Variants in PIWIL4 observed in about 807,000 individuals in gnomAD.
The protein encoded by PIWIL4 is piwi like RNA-mediated gene silencing 4.
In PIWIL4, 50 loss-of-function variants were observed where a neutral mutation model predicts 100.9. That is an observed-to-expected ratio of 0.50 (90% CI 0.39 to 0.63). PIWIL4 has a LOEUF of 0.63. Among genes scored for constraint, PIWIL4 ranks in the 20% least tolerant of loss-of-function variants. The pLI is 0.00. For missense variants in PIWIL4, 887 were observed against 1,043.3 expected, an observed-to-expected ratio of 0.85 and a Z score of 2.06; for synonymous variants, 342 against 367.5, an observed-to-expected ratio of 0.93 and a Z score of 0.79.
intron 4 of PIWIL4, among the ~76,000 whole-genome samples, chr11:94,579,484 T>G (rs1948285751): frequency 6.6e-6 from 1 of 151,936 alleles, no homozygotes. Context: ...TATGCTTCTA[T>G]CCCTTAGAAA....
At chr11:94,593,329 TA>T (rs1948512124) in intron 8 of PIWIL4, among the ~76,000 whole-genome samples, 188 bp from the exon 9 acceptor site, 1 of 152,022 alleles carries the variant, frequency 6.6e-6, no homozygotes, top group African/African-American at 2.4e-5. Context: ...AAAAGATAAT[TA>T]AAATAATAAA....
intron 4 of PIWIL4, among the ~76,000 whole-genome samples, chr11:94,578,394 G>T (rs183886489): frequency 6.6e-6 from 1 of 152,326 alleles, no homozygotes; most frequent in East Asian, 1.9e-4. Context: ...AACAAATTGA[G>T]ATGTCTGTGG....
At chr11:94,568,120 T>C (rs371544617) in intron 1 of PIWIL4, among the ~76,000 whole-genome samples, 184 of 152,092 alleles carry the variant, frequency 1.2e-3, no homozygotes, top group African/African-American at 4.0e-3. Context: ...TTAATACAAC[T>C]ACATATTCTT....
rs540392670 is a variant in PIWIL4 at position 94,569,416 on chromosome 11, T to C, written c.166+608T>C. On this transcript the variant is annotated intron_variant, in intron 2 of 19. Transcript: ENST00000299001. ...TTTTTGAGATGGAGTTTTGCTCTTGTTGTCCAGGCTGGAGTGCAATGGCGC... is the reference window on the plus strand; with the variant it reads ...TTTTTGAGATGGAGTTTTGCTCTTGCTGTCCAGGCTGGAGTGCAATGGCGC... Among the ~76,000 whole-genome samples the C allele has an allele frequency of 3.3e-5, 5 of 152,280 alleles. No individual in the cohort carries two copies. The South Asian group carries it at 8.3e-4, about 25-fold the overall frequency.
chr11:94,579,512 A>G (rs1948286048), intron 4 of PIWIL4, among the ~76,000 whole-genome samples: 1 of 152,228 alleles, frequency 6.6e-6, no homozygotes, highest in Admixed American at 6.5e-5. Flanking sequence ...CCCTTGGTTC[A>G]GCTGTTTGTT....
intron 11 of PIWIL4, among the ~76,000 whole-genome samples, chr11:94,600,091 C>A (rs1948612776): frequency 6.6e-6 from 1 of 152,124 alleles, no homozygotes; most frequent in Non-Finnish European, 1.5e-5. Flanking sequence ...CAATTATAGT[C>A]TGAGGATATA....
intron 7 of PIWIL4, 46 bp from the exon 8 acceptor site, chr11:94,589,075 T>C (rs746730118): frequency 7.1e-7 from 1 of 1,402,940 alleles, no homozygotes; most frequent in South Asian, 1.2e-5. Flanking sequence ...TAGCTGCTTA[T>C]GTTAGATGAT....
intron 15 of PIWIL4, among the ~76,000 whole-genome samples, chr11:94,613,442 G>C (rs1948809019): frequency 6.6e-6 from 1 of 152,016 alleles, no homozygotes; most frequent in Non-Finnish European, 1.5e-5. Flanking sequence ...ATTCTTCTTT[G>C]GGTTGAACCT....
At chr11:94,619,289 C>T (rs1158467432) in intron 17 of PIWIL4, among the ~76,000 whole-genome samples, 1 of 152,140 alleles carries the variant, frequency 6.6e-6, no homozygotes, top group Non-Finnish European at 1.5e-5. Context: ...TCCATCCATC[C>T]ATCCACCCAG....
intron 9 of PIWIL4, among the ~76,000 whole-genome samples, chr11:94,595,005 G>GA (rs933632139): frequency 2.0e-5 from 3 of 151,724 alleles, no homozygotes; most frequent in African/African-American, 7.3e-5. Context: ...GGCTTAGTAT[G>GA]AAAAAAAAGA....
At chr11:94,594,523 AG>A (rs1948530612) in intron 9 of PIWIL4, among the ~76,000 whole-genome samples, 1 of 151,614 alleles carries the variant, frequency 6.6e-6, no homozygotes, top group Admixed American at 6.6e-5. Flanking sequence ...CTTGAAGGGA[AG>A]GGTGTTCATT....
chr11:94,607,871 C>T (rs769499534), intron 14 of PIWIL4, among the ~76,000 whole-genome samples: 4 of 152,134 alleles, frequency 2.6e-5, no homozygotes, highest in Admixed American at 6.6e-5. Flanking sequence ...TTTGAATCCT[C>T]TTGGCTGCTA....
Position 94,570,511 on chromosome 11 carries a change from TATG to T in PIWIL4, c.166+1706_166+1708del, listed in dbSNP as rs537193570. Among the ~76,000 whole-genome samples the T allele has an allele frequency of 3.0e-3, 450 of 152,198 alleles. 1 individual carries two copies. The highest frequency in any genetic ancestry group is 4.3e-3 in the Non-Finnish European group (290 of 68,002). On this transcript the variant is annotated intron_variant, in intron 2 of 19. Coordinates refer to ENST00000299001, the MANE Select transcript of PIWIL4 (RefSeq NM_152431.3). Reference sequence around the variant, plus strand: ...CCTATTTAAAGACCCTGTCACCAAATATGATCACATTCTGAGGCACTGGGGGTT... The same window carrying T: ...CCTATTTAAAGACCCTGTCACCAAATATCACATTCTGAGGCACTGGGGGTT...
rs1366797470 is a variant in PIWIL4, at chr11:94,585,474, T to C, written c.665T>C (p.Ile222Thr). 2 of 1,610,604 alleles carry C rather than the reference T, an allele frequency of 1.2e-6. No individual in the cohort carries two copies. The highest frequency in any genetic ancestry group is 1.1e-5 in the South Asian group (1 of 89,790). Residue 222 changes from isoleucine to threonine, a missense_variant, in exon 6 of 20, where the codon ATT becomes ACT. Physicochemically the swap from Ile to Thr is moderately conservative, Grantham distance 89. This residue lies in a region of PIWIL4 where 741 missense variants were observed against 930.0 expected (regional missense o/e 0.80). Coordinates refer to ENST00000299001, the MANE Select transcript of PIWIL4 (RefSeq NM_152431.3). ...CTCAAAAAGTTGTCCATGTACCAAA[T>C]TGGACGGAACTTCTATAATCCTTCA... ...KILKKLSMYQ[I>T]GRNFYNPSEP...
chr11:94,614,944 GCTAT>G (rs1386762536), intron 15 of PIWIL4, among the ~76,000 whole-genome samples: 1 of 152,210 alleles, frequency 6.6e-6, no homozygotes, highest in Non-Finnish European at 1.5e-5. Flanking sequence ...GAAGAGTCAA[GCTAT>G]CTGTTTGTGT....
In PIWIL4 at chr11:94,596,030, C is replaced by T. The variant is rs150381851; in HGVS notation, c.1268+604C>T. Among the ~76,000 whole-genome samples the T allele has an allele frequency of 3.1e-4, 47 of 152,244 alleles. No homozygotes were observed. In the East Asian group the frequency reaches 7.5e-3, roughly 24 times the overall value. On this transcript the variant is annotated intron_variant, in intron 10 of 19. Coordinates refer to ENST00000299001, the MANE Select transcript of PIWIL4 (RefSeq NM_152431.3). The stretch of plus-strand genomic sequence containing the variant: ...ACTGGACTATCTAGGGTGGCTGCTG[C>T]GCACTTGAAATGTGGCTAGTGACAC...
intron 15 of PIWIL4, among the ~76,000 whole-genome samples, chr11:94,614,575 C>T (rs544611530): frequency 6.6e-6 from 1 of 152,304 alleles, no homozygotes; most frequent in Non-Finnish European, 1.5e-5. Flanking sequence ...TCTAAAAGTG[C>T]TGGGGTTACA....
At chr11:94,615,681 C>A (rs566589313) in intron 15 of PIWIL4, among the ~76,000 whole-genome samples, 11 of 152,294 alleles carry the variant, frequency 7.2e-5, no homozygotes, top group Admixed American at 7.2e-4. Flanking sequence ...GGCTGGAGTG[C>A]AGTGGCTATT....
In PIWIL4 at chr11:94,589,224, TA is replaced by T. The variant is rs1435213576; in HGVS notation, c.1019del (p.Tyr340SerfsTer12). 1 of 1,594,876 alleles carries T rather than the reference TA, an allele frequency of 6.3e-7. No homozygotes were observed. Among genetic ancestry groups the T allele is most frequent in the Admixed American group, 1.7e-5 (1 of 59,988 alleles). On this transcript the variant is annotated frameshift_variant, in exon 8 of 20. Coordinates refer to ENST00000299001, the MANE Select transcript of PIWIL4 (RefSeq NM_152431.3). LOFTEE classifies it high-confidence loss of function. ...CACCGAGATCACCTATGTGGATTAC[TA>T]CAAGCAGGTAGGACTTTTCTTCATG... ...DGTEITYVDY[Y>X]KQQYDITVSD...
Sources: gnomAD v4.1 joint callset for allele counts (sites outside exome capture counted in the v4.1 genomes callset) on GRCh38, gnomAD v4.1.1 for gene constraint, gnomAD v4.1.1 regional missense constraint, MANE v1.5 for transcripts, NCBI Gene and HGNC (gene_info 2026-07-23, HGNC 2026-07-21) for gene names.